IFT56: variants seen among roughly 807,000 people sequenced by gnomAD.
IFT56 encodes the protein intraflagellar transport protein 56.
chr7:139,147,376 A>C, the IFT56 span: 2 of 1,124,636 alleles, frequency 1.8e-6, no homozygotes, highest in South Asian at 1.7e-5. Flanking sequence ...TGTCCTCTGG[A>C]TCTAGTACCA....
At chr7:139,153,084 G>A in the IFT56 span, among the ~76,000 whole-genome samples, 3 of 151,902 alleles carry the variant, frequency 2.0e-5, no homozygotes, top group Admixed American at 2.0e-4. Flanking sequence ...GGGAGGCGGA[G>A]GTTGCAATGA....
the IFT56 span, among the ~76,000 whole-genome samples, chr7:139,174,935 C>T: frequency 3.3e-5 from 5 of 151,856 alleles, no homozygotes; most frequent in Non-Finnish European, 7.4e-5. Context: ...GCAGGAGAAT[C>T]GCTTGAATCC....
the IFT56 span, among the ~76,000 whole-genome samples, chr7:139,160,742 A>T: frequency 6.6e-6 from 1 of 152,262 alleles, no homozygotes; most frequent in African/African-American, 2.4e-5. Context: ...GGCCCAAGTC[A>T]CTTAACTTTT....
At chr7:139,168,639 A>G in the IFT56 span, 2 of 448,982 alleles carry the variant, frequency 4.5e-6, no homozygotes, top group Non-Finnish European at 8.2e-6. Flanking sequence ...TCCAATTTTT[A>G]AATAGCAACT....
the IFT56 span, chr7:139,189,350 T>C: frequency 1.2e-6 from 2 of 1,612,426 alleles, no homozygotes; most frequent in Non-Finnish European, 1.7e-6. Context: ...CTCCATTTAC[T>C]GAGAAGCACA....
At chr7:139,183,796 G>T in the IFT56 span, among the ~76,000 whole-genome samples, 1 of 151,964 alleles carries the variant, frequency 6.6e-6, no homozygotes, top group African/African-American at 2.4e-5. Context: ...TATATCCACA[G>T]AAATATATAA....
At chr7:139,139,814 C>T in the IFT56 span, 16 of 901,114 alleles carry the variant, frequency 1.8e-5, no homozygotes, top group East Asian at 4.0e-4. Context: ...AGTATGAAAT[C>T]CTATTCCATT....
At chr7:139,175,974 C>A in the IFT56 span, among the ~76,000 whole-genome samples, 1 of 151,892 alleles carries the variant, frequency 6.6e-6, no homozygotes, top group Non-Finnish European at 1.5e-5. Flanking sequence ...GGACTACAGG[C>A]GCCCGCACCA....
chr7:139,181,139 A>G, the IFT56 span: 19 of 1,613,000 alleles, frequency 1.2e-5, no homozygotes, highest in Non-Finnish European at 1.6e-5. Flanking sequence ...TTATCTTAAG[A>G]TGGAAACCTC....
chr7:139,141,811 T>C, the IFT56 span, among the ~76,000 whole-genome samples: 1 of 152,200 alleles, frequency 6.6e-6, no homozygotes, highest in Non-Finnish European at 1.5e-5. Flanking sequence ...TAGGAAAATA[T>C]GGCAGTATAA....
chr7:139,186,353 G>T, the IFT56 span, among the ~76,000 whole-genome samples: 1 of 151,516 alleles, frequency 6.6e-6, no homozygotes, highest in Non-Finnish European at 1.5e-5. Context: ...TTGAGCCCAG[G>T]AATTTGAGGT....
At chr7:139,147,495 T>G in the IFT56 span, among the ~76,000 whole-genome samples, 1 of 152,176 alleles carries the variant, frequency 6.6e-6, no homozygotes, top group African/African-American at 2.4e-5. Flanking sequence ...TCTAAAAGAC[T>G]TTTTCCCCCA....
the IFT56 span, among the ~76,000 whole-genome samples, chr7:139,175,642 C>T: frequency 1.3e-5 from 2 of 151,862 alleles, no homozygotes; most frequent in Non-Finnish European, 2.9e-5. Context: ...ATAAGCCAGG[C>T]ACAGAAAGAC....
At chr7:139,189,305 C>T in the IFT56 span, 2 of 1,552,228 alleles carry the variant, frequency 1.3e-6, no homozygotes, top group Non-Finnish European at 1.8e-6. Context: ...TTTGTCTTTT[C>T]AAATCTTTTC....
chr7:139,158,313 C>CAAAAAA, the IFT56 span, among the ~76,000 whole-genome samples: 1 of 115,450 alleles, frequency 8.7e-6, no homozygotes, highest in Non-Finnish European at 1.6e-5. Context: ...GACGCCATCT[C>CAAAAAA]AAAAAAAAAA....
At chr7:139,159,147 C>G in the IFT56 span, among the ~76,000 whole-genome samples, 1 of 152,146 alleles carries the variant, frequency 6.6e-6, no homozygotes, top group Admixed American at 6.5e-5. Context: ...CCATATGTTT[C>G]TATTTTCTGC....
chr7:139,187,089 A>C, the IFT56 span, among the ~76,000 whole-genome samples: 1 of 131,548 alleles, frequency 7.6e-6, no homozygotes, highest in South Asian at 2.6e-4. Context: ...CGACAGAGCG[A>C]GACTCCGTCT....
chr7:139,137,189 G>A, the IFT56 span, among the ~76,000 whole-genome samples: 31 of 152,256 alleles, frequency 2.0e-4, no homozygotes, highest in South Asian at 2.3e-3. Context: ...CAAGGTCTCA[G>A]TCTTTTCCTC....
At chr7:139,148,337 C>G in the IFT56 span, 3 of 1,613,390 alleles carry the variant, frequency 1.9e-6, no homozygotes, top group Middle Eastern at 1.6e-4. Flanking sequence ...AATCTTAAAG[C>G]CTGTAACCAT....
Sources: allele counts gnomAD v4.1 joint callset (sites outside exome capture counted in the v4.1 genomes callset), GRCh38; gene constraint gnomAD v4.1.1; transcripts MANE v1.5; gene names NCBI Gene and HGNC (gene_info 2026-07-23, HGNC 2026-07-21).